Variants in CCDC171 observed in about 807,000 individuals in gnomAD.
CCDC171 encodes coiled-coil domain containing 171, also known as coiled-coil domain-containing protein 171.
A neutral mutation model predicts 168.2 loss-of-function variants in CCDC171; 177 were observed. The observed-to-expected ratio is 1.05, with a 90% CI of 0.93 to 1.19. The LOEUF is 1.19. CCDC171 is among the 50% of genes most tolerant of loss of function. CCDC171 has a pLI of 0.00. For synonymous variants in CCDC171, 687 were observed against 540.8 expected, an observed-to-expected ratio of 1.27 and a Z score of -3.75; for missense variants, 1,991 against 1,539.0, an observed-to-expected ratio of 1.29 and a Z score of -4.91.
intron 16 of CCDC171, 71 bp from the exon 17 acceptor site, chr9:15,744,202 T>A (rs976475344): frequency 1.5e-6 from 2 of 1,302,026 alleles, no homozygotes; most frequent in African/African-American, 3.0e-5. Flanking sequence ...TTTGTTTTCT[T>A]TGAGTAAAGG....
chr9:15,703,598 T>C (rs1014363116), intron 11 of CCDC171, among the ~76,000 whole-genome samples: 1 of 152,230 alleles, frequency 6.6e-6, no homozygotes, highest in African/African-American at 2.4e-5. Flanking sequence ...ATTCTTTTTC[T>C]ATGGGTGAGT....
At chr9:15,978,059 A>G (rs16933851), downstream of CCDC171, among the ~76,000 whole-genome samples, 3,265 of 152,274 alleles carry the variant, frequency 0.021, 126 homozygotes, top group African/African-American at 0.075. Context: ...CTTAGGCAGT[A>G]AAAGTGCACA....
intron 3 of CCDC171, among the ~76,000 whole-genome samples, chr9:15,576,188 T>G (rs1303573918): frequency 6.6e-6 from 1 of 151,964 alleles, no homozygotes; most frequent in Non-Finnish European, 1.5e-5. Context: ...TTTGTTGTTT[T>G]AAATCTTTTT....
rs137989928 is a variant in CCDC171, at chr9:15,951,641, A to T, written c.3754-19968A>T. 4.5e-4 allele frequency among the ~76,000 whole-genome samples: 69 copies of T among 151,988 alleles called. No individual in the cohort carries two copies. In the Middle Eastern group the frequency reaches 0.01, roughly 22 times the overall value. On this transcript the variant is annotated intron_variant, in intron 25 of 25. Transcript: ENST00000380701. ...ATGATTAGTGATGTTGAGCATCTTT[A>T]TATGTGCTTATTGGTTTGTTTGTTT...
chr9:15,673,629 T>C (rs1394069731), intron 9 of CCDC171, among the ~76,000 whole-genome samples: 1 of 152,258 alleles, frequency 6.6e-6, no homozygotes, highest in Non-Finnish European at 1.5e-5. Context: ...TTGTTGGTTC[T>C]GTTTATGTGA....
chr9:15,604,128 C>T (rs765943977), intron 6 of CCDC171, among the ~76,000 whole-genome samples: 41 of 149,856 alleles, frequency 2.7e-4, no homozygotes, highest in Non-Finnish European at 5.0e-4. Context: ...GTTTAATTTC[C>T]TTGTAGATTC....
chr9:15,692,262 T>C (rs1394926309), intron 10 of CCDC171, among the ~76,000 whole-genome samples: 1 of 151,750 alleles, frequency 6.6e-6, no homozygotes, highest in East Asian at 2.0e-4. Flanking sequence ...TAGTCTCAGC[T>C]CTCAGGAGGC....
At chr9:16,097,492 A>G in the CCDC171 span, among the ~76,000 whole-genome samples, 3 of 152,346 alleles carry the variant, frequency 2.0e-5, no homozygotes, top group African/African-American at 7.2e-5. Flanking sequence ...TAGGTGAGGA[A>G]GTGTGTTCAG....
chr9:15,944,888 T>C (rs990633885), intron 25 of CCDC171, among the ~76,000 whole-genome samples: 17 of 90,156 alleles, frequency 1.9e-4, no homozygotes, highest in South Asian at 6.5e-4. Context: ...TTCTTTCTTT[T>C]TTATCATTAT....
chr9:15,971,254 A>T (rs1411242900), intron 25 of CCDC171, among the ~76,000 whole-genome samples: 3 of 152,198 alleles, frequency 2.0e-5, no homozygotes, highest in African/African-American at 7.2e-5. Flanking sequence ...ATAATGAAAT[A>T]AATGCTATTA....
At chr9:15,742,656 C>G (rs1418407459) in intron 16 of CCDC171, among the ~76,000 whole-genome samples, 1 of 152,146 alleles carries the variant, frequency 6.6e-6, no homozygotes, top group Non-Finnish European at 1.5e-5. Context: ...GGACATAGTC[C>G]CATTGATAGA....
intron 7 of CCDC171, 62 bp downstream of exon 7, chr9:15,623,475 G>GCGCGCGCGCACACACACACACA: frequency 4.7e-4 from 147 of 315,444 alleles, no homozygotes; most frequent in African/African-American, 1.9e-3. Context: ...GCGCGCGCGC[G>GCGCGCGCGCACACACACACACA]CACACACACA....
chr9:16,020,711 G>T (rs1026248093), exon 4 of CCDC171: 1 of 154,392 alleles, frequency 6.5e-6, no homozygotes, highest in African/African-American at 2.4e-5. Context: ...CTTACACACC[G>T]TGGATACCTG....
chr9:15,622,905 G>A (rs1313912134), intron 6 of CCDC171, among the ~76,000 whole-genome samples: 2 of 152,016 alleles, frequency 1.3e-5, no homozygotes, highest in African/African-American at 2.4e-5. Flanking sequence ...ATTATAAAAA[G>A]GGCAATATAC....
intron 10 of CCDC171, among the ~76,000 whole-genome samples, chr9:15,693,902 C>T (rs1034543685): frequency 1.6e-4 from 24 of 152,152 alleles, no homozygotes; most frequent in African/African-American, 5.8e-4. Context: ...CTTCCTGTTT[C>T]TATTTACTCA....
chr9:16,092,222 A>G, the CCDC171 span, among the ~76,000 whole-genome samples: 1 of 152,226 alleles, frequency 6.6e-6, no homozygotes, highest in Admixed American at 6.5e-5. Context: ...TCAGGCTCAC[A>G]TGGAGAGACA....
intron 3 of CCDC171, among the ~76,000 whole-genome samples, chr9:16,012,645 A>T (rs1346838833): frequency 1.3e-5 from 2 of 151,972 alleles, no homozygotes; most frequent in Non-Finnish European, 2.9e-5. Context: ...TCCTTCCATG[A>T]ATACAATTTT....
intron 24 of CCDC171, chr9:15,875,143 T>C (rs1817676424): frequency 1.3e-5 from 2 of 152,140 alleles, no homozygotes; most frequent in Admixed American, 1.3e-4. Flanking sequence ...AGTAATTTAA[T>C]TTCAGCAAAG....
At chr9:16,091,608 C>T in the CCDC171 span, among the ~76,000 whole-genome samples, 1 of 152,168 alleles carries the variant, frequency 6.6e-6, no homozygotes, top group African/African-American at 2.4e-5. Context: ...AGTTGGGGCT[C>T]CTTCTGCACA....
Sources: allele counts gnomAD v4.1 joint callset (sites outside exome capture counted in the v4.1 genomes callset), GRCh38; gene constraint gnomAD v4.1.1; transcripts MANE v1.5; gene names NCBI Gene and HGNC (gene_info 2026-07-23, HGNC 2026-07-21).